Variants in NELFA observed in about 807,000 individuals in gnomAD.
NELFA encodes the protein negative elongation factor A.
NELFA carries 35 observed loss-of-function variants against 51.8 expected under a neutral mutation model. The observed-to-expected ratio is 0.68, with a 90% CI of 0.52 to 0.90. NELFA has a LOEUF of 0.90. Among genes scored for constraint, NELFA ranks in the 40% least tolerant of loss-of-function variants. The pLI is 0.00. For missense variants in NELFA, 658 were observed against 746.4 expected, an observed-to-expected ratio of 0.88 and a Z score of 1.38; for synonymous variants, 417 against 338.4, an observed-to-expected ratio of 1.23 and a Z score of -2.55.
chr4:1,994,045 C>A (rs1005385934), intron 1 of NELFA, among the ~76,000 whole-genome samples: 2 of 152,196 alleles, frequency 1.3e-5, no homozygotes, highest in Non-Finnish European at 2.9e-5. Flanking sequence ...AATAAACTAT[C>A]ACATCATTAA....
At chr4:1,990,492 C>T in intron 2 of NELFA, 1 of 456,726 alleles carries the variant, frequency 2.2e-6, no homozygotes, top group Non-Finnish European at 4.4e-6. Flanking sequence ...ACTCCTGAGA[C>T]ACGAACGGGT....
rs1320144635 is a variant in NELFA, at chr4:1,986,323, C to T, written c.714G>A (p.Arg238=). 2 of 1,596,796 alleles carry T rather than the reference C, an allele frequency of 1.3e-6. No individual in the cohort carries two copies. Among genetic ancestry groups the T allele is most frequent in the Non-Finnish European group, 1.7e-6 (2 of 1,172,064 alleles). ...GCGTCCTGGAAGGCGGGATGGGGGT[C>T]CGGTTCCCTGTGGGGCTGAAGACGC... ...APSVFSPTGN[R]TPIPPSRTLL... is the part of the protein sequence containing the mutation. The change falls in exon 5 of 11, where the codon CGG becomes CGA. Residue 238 remains arginine (R), a synonymous_variant. Transcript: ENST00000382882.
chr4:2,005,232 G>T (rs1445888719), intron 1 of NELFA, among the ~76,000 whole-genome samples: 1 of 151,968 alleles, frequency 6.6e-6, no homozygotes, highest in Non-Finnish European at 1.5e-5. Flanking sequence ...ATGCTCACTG[G>T]CAAAACATTC....
chr4:2,001,571 G>A (rs1728566270), intron 1 of NELFA, among the ~76,000 whole-genome samples: 3 of 152,202 alleles, frequency 2.0e-5, no homozygotes, highest in Admixed American at 6.5e-5. Flanking sequence ...GGGATGTGAA[G>A]GACCTCTTCA....
In NELFA at chr4:1,987,296, G is replaced by GC. The variant is rs1471751500; in HGVS notation, c.634+621dup. 3.9e-5 allele frequency among the ~76,000 whole-genome samples: 6 copies of GC among 152,298 alleles called. No homozygotes were observed. In the East Asian group the frequency reaches 1.2e-3, roughly 30 times the overall value. On this transcript the variant is annotated intron_variant, in intron 4 of 10. Transcript: ENST00000382882. ...AGGACGACACCCGTCCTGCCCTCTGGCCCCCAGGTCACTATCCAGCACCCT... is the reference window on the plus strand; with the variant it reads ...AGGACGACACCCGTCCTGCCCTCTGGCCCCCCAGGTCACTATCCAGCACCCT...
At chr4:2,007,477 T>C (rs1161181089) in intron 1 of NELFA, among the ~76,000 whole-genome samples, 1 of 152,184 alleles carries the variant, frequency 6.6e-6, no homozygotes, top group Admixed American at 6.5e-5. Flanking sequence ...GCAACGTGGA[T>C]GAAACTGTCA....
Position 1,983,269 on chromosome 4 carries a change from A to C in NELFA, c.*50T>G. On this transcript the variant is annotated 3_prime_UTR_variant, in exon 11 of 11. Coordinates refer to ENST00000382882, the MANE Select transcript of NELFA (RefSeq NM_005663.5). The stretch of plus-strand genomic sequence containing the variant: ...CCGGTTACTTTAAGCTGGCAAAGCC[A>C]TCGTCCCGTGGACCCCCACAAGTGA... 2.6e-6 allele frequency: 4 copies of C among 1,563,584 alleles called. No homozygotes were observed. Among genetic ancestry groups the C allele is most frequent in the Non-Finnish European group, 3.5e-6 (4 of 1,147,596 alleles).
At chr4:1,994,426 A>G (rs865812026) in intron 1 of NELFA, among the ~76,000 whole-genome samples, 8 of 152,124 alleles carry the variant, frequency 5.3e-5, no homozygotes, top group African/African-American at 1.9e-4. Context: ...TTAGCCAGGC[A>G]TGGTGGTGCA....
Position 1,992,226 on chromosome 4 carries a change from G to A in NELFA, c.211-511C>T, listed in dbSNP as rs943338631. 78 of 235,872 alleles carry A rather than the reference G, an allele frequency of 3.3e-4. 2 individuals carry two copies. Among genetic ancestry groups the A allele is most frequent in the South Asian group, 3.1e-3 (76 of 24,488 alleles). 14.6% of individuals were successfully genotyped at this position (235,872 alleles called of 1,614,324 possible). A position where few individuals can be genotyped will look rare whatever the true frequency, so the allele number is the denominator to read the frequency against. On this transcript the variant is annotated intron_variant, in intron 1 of 10. Coordinates refer to ENST00000382882, the MANE Select transcript of NELFA (RefSeq NM_005663.5). The stretch of plus-strand genomic sequence containing the variant: ...CTGGGGCAGCACCCGTGACAGCTGA[G>A]CTGGTGCCTAGTCACCATCTAGGCA...
chr4:1,992,001 C>T (rs1728284697), intron 1 of NELFA: 4 of 333,164 alleles, frequency 1.2e-5, no homozygotes, highest in Non-Finnish European at 2.2e-5. Flanking sequence ...CCTACTCTTC[C>T]ACCGGTGCGC....
At chr4:1,997,321 A>T (rs1728452299) in intron 1 of NELFA, among the ~76,000 whole-genome samples, 1 of 152,202 alleles carries the variant, frequency 6.6e-6, no homozygotes, top group Non-Finnish European at 1.5e-5. Flanking sequence ...TAACCCCAAT[A>T]CCAAAATCCA....
intron 9 of NELFA, 29 bp downstream of exon 9, chr4:1,983,819 G>A (rs1727985915): frequency 6.4e-7 from 1 of 1,569,592 alleles, no homozygotes; most frequent in South Asian, 1.2e-5. Context: ...CTACCTGGTG[G>A]CCTGTGGGCC....
At position 1,984,749 on chromosome 4, in the gene NELFA, G is replaced by C. The variant is rs562327538; in HGVS notation, c.1036+59C>G. 7.5e-5 allele frequency: 98 copies of C among 1,308,250 alleles called. No homozygotes were observed. In the East Asian group the frequency reaches 2.4e-3, roughly 32 times the overall value. 81.0% of individuals were successfully genotyped at this position (1,308,250 alleles called of 1,614,324 possible). ...ACCGCAGCCCTGGCAGCGCCCGTGG[G>C]CAAGGTCATGTCCTGGCAGGCAGCT... On this transcript the variant is annotated intron_variant, in intron 8 of 10. Transcript: ENST00000382882.
intron 1 of NELFA, among the ~76,000 whole-genome samples, chr4:2,002,659 C>G (rs757611593): frequency 6.6e-6 from 1 of 152,156 alleles, no homozygotes; most frequent in Non-Finnish European, 1.5e-5. Flanking sequence ...GTAAATGGTG[C>G]TGGGAAAACT....
chr4:2,007,776 A>G (rs1728747755), intron 1 of NELFA, among the ~76,000 whole-genome samples: 1 of 152,188 alleles, frequency 6.6e-6, no homozygotes, highest in Admixed American at 6.5e-5. Flanking sequence ...GTTAAACTGA[A>G]CAAAAATGCA....
In NELFA at chr4:1,984,825, C is replaced by G; in HGVS notation, c.1019G>C (p.Ser340Thr). ...SVVPASSYIP[S>T]SETPPAPSSR... is the part of the protein sequence containing the mutation. ...AGACTCACCTGGGGGCGTCTCGGAGCTGGGGATGTAGGAGGAGGCGGGAAC... is the reference window on the plus strand; with the variant it reads ...AGACTCACCTGGGGGCGTCTCGGAGGTGGGGATGTAGGAGGAGGCGGGAAC... Residue 340 changes from serine to threonine, a missense_variant, in exon 8 of 11, where the codon AGC (serine) becomes ACC (threonine). Around this residue, in one of 3 missense-constraint regions of NELFA, gnomAD observed 200 missense variants for 167.9 expected, o/e 1.19. Transcript: ENST00000382882. The G allele has an allele frequency of 1.3e-6, 2 of 1,566,452 alleles. No homozygotes were observed.
Position 1,989,904 on chromosome 4 carries a change from C to A in NELFA, c.383-35G>T. The A allele has an allele frequency of 1.2e-6, 2 of 1,600,562 alleles. No homozygotes were observed. Among genetic ancestry groups the A allele is most frequent in the South Asian group, 1.1e-5 (1 of 89,186 alleles). ...AGAACCACATGAAGTTAGGGGCGCC[C>A]AGGCCGCAGACCTCCCGGCTGAGAG... On this transcript the variant is annotated intron_variant, in intron 2 of 10. Transcript: ENST00000382882. This position sits in a 1 kb window ranked among gnomAD's most constrained non-coding sequence, Gnocchi z 4.8.
Position 1,983,891 on chromosome 4 carries a change from T to C in NELFA, c.1259A>G (p.Gln420Arg), listed in dbSNP as rs1042906759. The change falls in exon 9 of 11, where the codon CAG becomes CGG. Residue 420 changes from glutamine (Q) to arginine (R), a missense_variant. Transcript: ENST00000382882. ...PPVAMVAPQT[Q>R]APAQQQPKKN... The stretch of plus-strand genomic sequence containing the variant: ...CTTAGGCTGCTGCTGAGCAGGGGCC[T>C]GGGTCTGCGGGGCCACCATGGCAAC... The C allele has an allele frequency of 4.4e-6, 7 of 1,597,154 alleles. No homozygotes were observed. In the African/African-American group the frequency reaches 8.0e-5, roughly 18 times the overall value.
Position 1,984,044 on chromosome 4 carries a change from TGCGCTGGCAACGTGGGGCTCGGG to T in NELFA, c.1083_1105del (p.Pro362ValfsTer59). ...GTACATGGGCGCCCGCTGCTTGAAC[TGCGCTGGCAACGTGGGGCTCGGG>T]GCGCTGGGCTCCTCTGGTGGGCGGC... is the stretch of plus-strand genomic sequence containing the variant. On this transcript the variant is annotated frameshift_variant, in exon 9 of 11. Coordinates refer to ENST00000382882, the MANE Select transcript of NELFA (RefSeq NM_005663.5). LOFTEE classifies it high-confidence loss of function. 3 of 1,605,514 alleles carry T rather than the reference TGCGCTGGCAACGTGGGGCTCGGG, an allele frequency of 1.9e-6. No homozygotes were observed. The highest frequency in any genetic ancestry group is 2.5e-6 in the Non-Finnish European group (3 of 1,178,800).
Sources: gnomAD v4.1 joint callset for allele counts (sites outside exome capture counted in the v4.1 genomes callset) on GRCh38, gnomAD v4.1.1 for gene constraint, gnomAD v4.1.1 regional missense constraint, Gnocchi (gnomAD v3.1) non-coding constraint, MANE v1.5 for transcripts, NCBI Gene and HGNC (gene_info 2026-07-23, HGNC 2026-07-21) for gene names.